ULK4: variants seen among roughly 807,000 people sequenced by gnomAD.
ULK4 encodes inactive serine/threonine-protein kinase ULK4.
In ULK4, 133 loss-of-function variants were observed where a neutral mutation model predicts 160.6. The ratio of observed to expected loss-of-function variants is 0.83; its 90% CI spans 0.72 to 0.96. The LOEUF is 0.96. Ranked by LOEUF, ULK4 falls within the 40% of genes least tolerant of loss-of-function variation. The pLI is 0.00. For synonymous variants in ULK4, 534 were observed against 539.8 expected (o/e 0.99, Z 0.15); for missense variants, 1,580 against 1,499.5 (o/e 1.05, Z -0.89).
intron 35 of ULK4, among the ~76,000 whole-genome samples, chr3:41,380,531 C>T (rs1360460247): frequency 3.6e-4 from 55 of 152,184 alleles, no homozygotes; most frequent in Non-Finnish European, 2.9e-5. Flanking sequence ...GTGGAGGTCA[C>T]CTCTGTCCTG....
chr3:41,721,524 C>T (rs550132217), intron 22 of ULK4, among the ~76,000 whole-genome samples: 2 of 150,606 alleles, frequency 1.3e-5, no homozygotes, highest in East Asian at 2.0e-4. Flanking sequence ...CCTGCCACCA[C>T]GCACAGCTAA....
chr3:41,511,932 C>T (rs367674833), intron 32 of ULK4, among the ~76,000 whole-genome samples: 10 of 152,216 alleles, frequency 6.6e-5, no homozygotes, highest in African/African-American at 2.4e-4. Context: ...TAATCCACCA[C>T]GATCAAGTGG....
chr3:41,417,034 G>A (rs367635661), intron 34 of ULK4, among the ~76,000 whole-genome samples: 2 of 152,126 alleles, frequency 1.3e-5, no homozygotes, highest in South Asian at 2.1e-4. Flanking sequence ...ATGTGAAGAC[G>A]CAGAATGCAT....
In ULK4 at chr3:41,506,767, A is replaced by AAAAAAAAAAAAAAAT; in HGVS notation, c.3227-43515_3227-43514insATTTTTTTTTTTTTT. On this transcript the variant is annotated intron_variant, in intron 32 of 36. Transcript: ENST00000301831. ...AGCAATACACTGGAGTGTGATTTAA[A>AAAAAAAAAAAAAAAT]ATATATATATATATATATATATATA... is the stretch of plus-strand genomic sequence containing the variant. 2.1e-4 allele frequency among the ~76,000 whole-genome samples: 12 copies of AAAAAAAAAAAAAAAT among 56,794 alleles called. 1 individual carries two copies. The highest frequency in any genetic ancestry group is 8.2e-4 in the African/African-American group (10 of 12,248). The allele number at this position is 56,794 out of a possible 152,430, so 37.3% of individuals were successfully genotyped here. A position where few individuals can be genotyped will look rare whatever the true frequency, so the allele number is the denominator to read the frequency against.
intron 16 of ULK4, 102 bp downstream of exon 16, chr3:41,895,416 A>C (rs1559634654): frequency 3.3e-6 from 2 of 605,290 alleles, no homozygotes; most frequent in Non-Finnish European, 5.2e-6. Flanking sequence ...CATCAGAATA[A>C]TTTATGATAA....
intron 32 of ULK4, among the ~76,000 whole-genome samples, chr3:41,481,630 A>G (rs2084324398): frequency 6.6e-6 from 1 of 151,820 alleles, no homozygotes; most frequent in Non-Finnish European, 1.5e-5. Flanking sequence ...GATCGAGACC[A>G]TCCCGGCTAA....
chr3:41,827,286 A>C (rs571826851), intron 18 of ULK4, among the ~76,000 whole-genome samples: 135 of 150,832 alleles, frequency 9.0e-4, no homozygotes, highest in African/African-American at 3.2e-3. Flanking sequence ...AACAGCTAGC[A>C]GAAGGCAAGA....
intron 2 of ULK4, among the ~76,000 whole-genome samples, chr3:41,953,285 C>CACAT (rs374288098): frequency 0.023 from 2,000 of 85,848 alleles, 74 homozygotes; most frequent in East Asian, 0.19. Flanking sequence ...CATATATACA[C>CACAT]ATATATATAT....
intron 2 of ULK4, among the ~76,000 whole-genome samples, chr3:41,953,281 T>TAC (rs1339979477): frequency 0.026 from 1,353 of 51,572 alleles, 21 homozygotes; most frequent in East Asian, 0.22. Context: ...TATACATATA[T>TAC]ACACATATAT....
In ULK4 at chr3:41,579,563, G is replaced by A. The variant is rs926354525; in HGVS notation, c.3121-13433C>T. On this transcript the variant is annotated intron_variant, in intron 31 of 36. Coordinates refer to ENST00000301831, the MANE Select transcript of ULK4 (RefSeq NM_017886.4). The stretch of plus-strand genomic sequence containing the variant: ...GGCTGGAGTGCAGTGGCGCGATCTC[G>A]ACTCACTGCAAGCTCCGCCTCCCGG... Among the ~76,000 whole-genome samples the A allele has an allele frequency of 5.8e-5, 8 of 137,572 alleles. No individual in the cohort carries two copies. The South Asian group carries it at 1.4e-3, about 24-fold the overall frequency. 90.3% of individuals were successfully genotyped at this position (137,572 alleles called of 152,430 possible).
Position 41,442,600 on chromosome 3 carries a change from CTTA to C in ULK4, c.3492+12894_3492+12896del, listed in dbSNP as rs200001218. On this transcript the variant is annotated intron_variant, in intron 34 of 36. Transcript: ENST00000301831. ...AGTTTCTTTTCAAAATATTTAAAAC[CTTA>C]TTATTATTATTAGAGACAGAGTCTC... Among the ~76,000 whole-genome samples, 1,328 of 151,734 alleles carry C rather than the reference CTTA, an allele frequency of 8.8e-3. 16 individuals carry two copies. The highest frequency in any genetic ancestry group is 0.041 in the Middle Eastern group (12 of 294).
chr3:41,485,039 C>G (rs1214692185), intron 32 of ULK4, among the ~76,000 whole-genome samples: 1 of 152,156 alleles, frequency 6.6e-6, no homozygotes, highest in Admixed American at 6.5e-5. Flanking sequence ...CAAATACCCA[C>G]ATGGTTCTTT....
intron 35 of ULK4, among the ~76,000 whole-genome samples, chr3:41,361,388 A>C (rs1190735391): frequency 6.6e-6 from 1 of 152,230 alleles, no homozygotes; most frequent in Admixed American, 6.5e-5. Context: ...CAAAATTAAC[A>C]AAAAATATGA....
chr3:41,329,222 T>C (rs2080395613), intron 35 of ULK4, among the ~76,000 whole-genome samples: 2 of 152,212 alleles, frequency 1.3e-5, no homozygotes, highest in African/African-American at 4.8e-5. Flanking sequence ...GTATCAATAC[T>C]ACAAATTCTT....
chr3:41,490,071 G>C (rs2084693330), intron 32 of ULK4, among the ~76,000 whole-genome samples: 1 of 152,146 alleles, frequency 6.6e-6, no homozygotes, highest in East Asian at 1.9e-4. Context: ...AGTCCTGACT[G>C]TGCCCCTTTT....
chr3:41,422,543 A>C (rs2082685016), intron 34 of ULK4, among the ~76,000 whole-genome samples: 1 of 152,092 alleles, frequency 6.6e-6, no homozygotes, highest in Non-Finnish European at 1.5e-5. Context: ...CTATATTTCC[A>C]CATTTAATGC....
At chr3:41,292,323 C>T (rs1240824261) in intron 35 of ULK4, among the ~76,000 whole-genome samples, 3 of 152,146 alleles carry the variant, frequency 2.0e-5, no homozygotes, top group African/African-American at 7.2e-5. Flanking sequence ...AACAGAGGCT[C>T]AGAAGGATCA....
intron 34 of ULK4, among the ~76,000 whole-genome samples, chr3:41,422,162 T>G (rs766689031): frequency 1.3e-5 from 2 of 152,162 alleles, no homozygotes; most frequent in Non-Finnish European, 2.9e-5. Context: ...TTATTTCTAA[T>G]AAAGAAGTCT....
intron 29 of ULK4, among the ~76,000 whole-genome samples, chr3:41,680,899 G>A (rs1275271841): frequency 6.6e-6 from 1 of 152,178 alleles, no homozygotes; most frequent in Non-Finnish European, 1.5e-5. Context: ...AAAATTGACA[G>A]TGTCCCCTCA....
Sources: allele counts gnomAD v4.1 joint callset (sites outside exome capture counted in the v4.1 genomes callset), GRCh38; gene constraint gnomAD v4.1.1; transcripts MANE v1.5; gene names NCBI Gene and HGNC (gene_info 2026-07-23, HGNC 2026-07-21).